BACH2: variants seen among roughly 807,000 people sequenced by gnomAD.
BACH2 encodes the protein transcription regulator protein BACH2.
Under a neutral mutation model 61.8 loss-of-function variants are expected in BACH2, and 5 were observed. That is an observed-to-expected ratio of 0.08 (90% CI 0.04 to 0.17). The LOEUF is 0.17. Ranked by LOEUF, BACH2 falls within the 10% of genes least tolerant of loss-of-function variation. BACH2 has a pLI of 1.00. For synonymous variants in BACH2, 446 were observed against 440.1 expected, an observed-to-expected ratio of 1.01 and a Z score of -0.17; for missense variants, 824 against 1,091.1, an observed-to-expected ratio of 0.76 and a Z score of 3.45.
rs562459580 is a variant in BACH2, at chr6:89,939,703, T to C, written c.1837-1353A>G. On this transcript the variant is annotated intron_variant, in intron 7 of 8. Coordinates refer to ENST00000257749, the MANE Select transcript of BACH2 (RefSeq NM_021813.4). The stretch of plus-strand genomic sequence containing the variant: ...TTTTTGAGACAGGGTCTTGCTCTGT[T>C]ACTCAGGCTGGAGTGGAGTGTTATG... 1.1e-3 allele frequency among the ~76,000 whole-genome samples: 159 copies of C among 145,016 alleles called. 1 individual carries two copies. The highest frequency in any genetic ancestry group is 1.4e-3 in the Non-Finnish European group (97 of 66,934).
intron 5 of BACH2, among the ~76,000 whole-genome samples, chr6:90,027,795 G>A (rs966288187): frequency 2.0e-5 from 3 of 152,288 alleles, no homozygotes; most frequent in Non-Finnish European, 2.9e-5. Context: ...AGGATTAAAC[G>A]AGATGAAGCA....
intron 4 of BACH2, among the ~76,000 whole-genome samples, chr6:90,138,077 C>T (rs1369916056): frequency 6.6e-6 from 1 of 152,012 alleles, no homozygotes; most frequent in East Asian, 1.9e-4. Context: ...CACACACACA[C>T]ACACACACAC....
chr6:90,173,340 C>A (rs1324420985), intron 4 of BACH2, among the ~76,000 whole-genome samples: 4 of 152,130 alleles, frequency 2.6e-5, no homozygotes, highest in Non-Finnish European at 4.4e-5. Context: ...TATGTCCACA[C>A]AGACTTGCAT....
intron 4 of BACH2, among the ~76,000 whole-genome samples, chr6:90,199,170 G>T (rs1435117047): frequency 6.6e-6 from 1 of 152,150 alleles, no homozygotes; most frequent in Non-Finnish European, 1.5e-5. Flanking sequence ...ACTGCTTCTT[G>T]GAGAAGTAGA....
At chr6:90,013,750 C>A (rs1214820934) in intron 5 of BACH2, among the ~76,000 whole-genome samples, 1 of 151,856 alleles carries the variant, frequency 6.6e-6, no homozygotes, top group East Asian at 1.9e-4. Context: ...CTTTGTGATC[C>A]CCCCGCCTTG....
chr6:90,195,613 C>G (rs368910810), intron 4 of BACH2, among the ~76,000 whole-genome samples: 1 of 152,092 alleles, frequency 6.6e-6, no homozygotes, highest in Admixed American at 6.6e-5. Context: ...GGGAAGATAG[C>G]GCCAGTCCAT....
chr6:90,231,672 A>G (rs1255898341), intron 3 of BACH2, among the ~76,000 whole-genome samples: 1 of 152,210 alleles, frequency 6.6e-6, no homozygotes, highest in Non-Finnish European at 1.5e-5. Flanking sequence ...CCAAAATGCA[A>G]TTTGAAATGT....
intron 3 of BACH2, among the ~76,000 whole-genome samples, chr6:90,246,951 ATGCATGAAAAAC>A (rs1158386496): frequency 6.6e-6 from 1 of 152,220 alleles, no homozygotes; most frequent in Non-Finnish European, 1.5e-5. Flanking sequence ...TTCTTAAAAT[ATGCATGAAAAAC>A]ATACTTGTAA....
At chr6:90,086,787 A>G (rs936927187) in intron 5 of BACH2, among the ~76,000 whole-genome samples, 5 of 152,216 alleles carry the variant, frequency 3.3e-5, no homozygotes, top group African/African-American at 9.6e-5. Context: ...GAGGGCGCTA[A>G]GGGGCATTTG....
intron 4 of BACH2, among the ~76,000 whole-genome samples, chr6:90,107,667 T>TC (rs901802427): frequency 5.3e-5 from 8 of 150,728 alleles, no homozygotes; most frequent in East Asian, 3.9e-4. Context: ...TTTGTGATTT[T>TC]TTTTTTTTTT....
chr6:90,248,381 T>C (rs1366768227), intron 3 of BACH2, among the ~76,000 whole-genome samples: 1 of 152,156 alleles, frequency 6.6e-6, no homozygotes, highest in Non-Finnish European at 1.5e-5. Context: ...GGATATTACA[T>C]ACAGCAGACA....
intron 4 of BACH2, among the ~76,000 whole-genome samples, chr6:90,090,827 T>C (rs1193990229): frequency 6.6e-6 from 1 of 152,202 alleles, no homozygotes; most frequent in African/African-American, 2.4e-5. Flanking sequence ...TGAGGCCTTG[T>C]ATTTTCCTTC....
At chr6:90,121,401 T>C (rs1048258872) in intron 4 of BACH2, among the ~76,000 whole-genome samples, 1 of 152,182 alleles carries the variant, frequency 6.6e-6, no homozygotes, top group Admixed American at 6.5e-5. Flanking sequence ...TTCCTTCTTG[T>C]TGTTTTTTCT....
At chr6:90,006,098 T>A (rs1582180819) in intron 6 of BACH2, among the ~76,000 whole-genome samples, 1 of 152,260 alleles carries the variant, frequency 6.6e-6, no homozygotes, top group East Asian at 1.9e-4. Context: ...TTATGTCATA[T>A]ACATTTGTAT....
chr6:90,208,446 G>T (rs983720604), intron 3 of BACH2, among the ~76,000 whole-genome samples: 4 of 152,132 alleles, frequency 2.6e-5, no homozygotes, highest in Non-Finnish European at 5.9e-5. Context: ...ACAAACTTAT[G>T]AAAAAATGCT....
At chr6:90,093,740 T>C (rs1160692406) in intron 4 of BACH2, among the ~76,000 whole-genome samples, 2 of 152,278 alleles carry the variant, frequency 1.3e-5, no homozygotes, top group Non-Finnish European at 1.5e-5. Context: ...TGCTGGGCCA[T>C]GTTTAGGTGT....
chr6:89,965,026 A>AGGCGT (rs1236175825), intron 6 of BACH2, among the ~76,000 whole-genome samples: 1 of 152,162 alleles, frequency 6.6e-6, no homozygotes, highest in African/African-American at 2.4e-5. Flanking sequence ...CTGGGATTAC[A>AGGCGT]GGCGTGTGCC....
intron 3 of BACH2, among the ~76,000 whole-genome samples, chr6:90,245,786 A>G (rs1293015193): frequency 2.6e-5 from 4 of 152,128 alleles, no homozygotes; most frequent in Non-Finnish European, 5.9e-5. Context: ...GAAACAAGAG[A>G]AGTCTGAATT....
chr6:89,930,718 A>T lies in BACH2; in HGVS notation c.*1690T>A, dbSNP rs1385139475. Reference sequence around the variant, plus strand: ...TTTGCAGCAAGAAGAGAAAATTATCATCAGGTGAGGGTAGGGTATGTGTGT... The same window carrying T: ...TTTGCAGCAAGAAGAGAAAATTATCTTCAGGTGAGGGTAGGGTATGTGTGT... On this transcript the variant is annotated 3_prime_UTR_variant, in exon 9 of 9. Transcript: ENST00000257749. The T allele has an allele frequency of 6.5e-6, 1 of 152,734 alleles. No homozygotes were observed. Among genetic ancestry groups the T allele is most frequent in the Non-Finnish European group, 1.5e-5 (1 of 68,050 alleles). The allele number at this position is 152,734 out of a possible 1,614,324, so 9.5% of individuals were successfully genotyped here.
Sources: allele counts gnomAD v4.1 joint callset (sites outside exome capture counted in the v4.1 genomes callset), GRCh38; gene constraint gnomAD v4.1.1; transcripts MANE v1.5; gene names NCBI Gene and HGNC (gene_info 2026-07-23, HGNC 2026-07-21).